Variants in LRRC4C observed in about 807,000 individuals in gnomAD.
LRRC4C encodes leucine-rich repeat-containing protein 4C.
LRRC4C carries 5 observed loss-of-function variants against 33.6 expected under a neutral mutation model. That is an observed-to-expected ratio of 0.15 (90% CI 0.08 to 0.31). The LOEUF (loss-of-function observed/expected upper bound fraction) is 0.31. Among genes scored for constraint, LRRC4C ranks in the 10% least tolerant of loss-of-function variants. LRRC4C has a pLI of 1.00. For synonymous variants in LRRC4C, 329 were observed against 302.0 expected (o/e 1.09, Z -0.93); for missense variants, 560 against 796.7 (o/e 0.70, Z 3.58).
chr11:40,235,263 G>A (rs1483254047), intron 5 of LRRC4C, among the ~76,000 whole-genome samples: 4 of 152,176 alleles, frequency 2.6e-5, no homozygotes, highest in Admixed American at 2.6e-4. Context: ...AAATATGCTT[G>A]TAAAACATTT....
chr11:41,118,266 T>A, intron 1 of LRRC4C, among the ~76,000 whole-genome samples: 1 of 152,178 alleles, frequency 6.6e-6, no homozygotes, highest in South Asian at 2.1e-4. Context: ...GATGTGGAGC[T>A]TGGCTTCCCT....
chr11:40,756,659 AC>A (rs1948963499), intron 2 of LRRC4C, among the ~76,000 whole-genome samples: 1 of 152,090 alleles, frequency 6.6e-6, no homozygotes, highest in Non-Finnish European at 1.5e-5. Context: ...CAAAAGTTAA[AC>A]TGGTCAATTA....
At chr11:41,363,456 C>T (rs1222002402) in intron 1 of LRRC4C, among the ~76,000 whole-genome samples, 1 of 152,162 alleles carries the variant, frequency 6.6e-6, no homozygotes, top group Non-Finnish European at 1.5e-5. Context: ...CAATTCCATC[C>T]TAAATTACTT....
chr11:40,772,053 C>G (rs78362237), intron 2 of LRRC4C, among the ~76,000 whole-genome samples: 16,405 of 152,058 alleles, frequency 0.11, 1,287 homozygotes, highest in East Asian at 0.41. Flanking sequence ...CTTCTTGTAC[C>G]GATTTACTGT....
chr11:40,258,117 C>G (rs868810747), intron 4 of LRRC4C, among the ~76,000 whole-genome samples: 9 of 152,090 alleles, frequency 5.9e-5, no homozygotes, highest in Non-Finnish European at 1.3e-4. Context: ...TTTATTTTCA[C>G]CACGTTTCAT....
At chr11:41,203,445 C>G (rs1413685681) in intron 1 of LRRC4C, among the ~76,000 whole-genome samples, 2 of 152,126 alleles carry the variant, frequency 1.3e-5, no homozygotes, top group African/African-American at 4.8e-5. Flanking sequence ...TAAGAGGAAG[C>G]AATTTTTTTC....
chr11:40,905,930 TA>T (rs1956394892), intron 2 of LRRC4C, among the ~76,000 whole-genome samples: 1 of 152,202 alleles, frequency 6.6e-6, no homozygotes, highest in African/African-American at 2.4e-5. Flanking sequence ...CTACTGTGGG[TA>T]AAATTCTATC....
rs777193852 is a variant in LRRC4C at position 40,457,021 on chromosome 11, A to ACTC, written c.-269-137303_-269-137301dup. Among the ~76,000 whole-genome samples, 124 of 151,626 alleles carry ACTC rather than the reference A, an allele frequency of 8.2e-4. 1 individual carries two copies. The highest frequency in any genetic ancestry group is 1.5e-3 in the Non-Finnish European group (103 of 67,846). On this transcript the variant is annotated intron_variant, in intron 3 of 6. Transcript: ENST00000528697. ...AAATGCAAAGTAATTTAGAACCTGAACTCCTAAATCTAGTTAAAATGAGGA... is the reference window on the plus strand; with the variant it reads ...AAATGCAAAGTAATTTAGAACCTGAACTCCTCCTAAATCTAGTTAAAATGAGGA...
At chr11:41,284,004 G>A (rs951251660) in intron 1 of LRRC4C, among the ~76,000 whole-genome samples, 1 of 152,024 alleles carries the variant, frequency 6.6e-6, no homozygotes, top group South Asian at 2.1e-4. Context: ...AAAGTTATAC[G>A]TATTTGATTT....
At chr11:40,638,753 T>G (rs1254142011) in intron 3 of LRRC4C, among the ~76,000 whole-genome samples, 1 of 148,464 alleles carries the variant, frequency 6.7e-6, no homozygotes, top group Admixed American at 6.9e-5. Context: ...TAATGAATGG[T>G]TTTTTCAATT....
At chr11:40,932,523 A>T (rs2136477481) in intron 2 of LRRC4C, among the ~76,000 whole-genome samples, 1 of 152,288 alleles carries the variant, frequency 6.6e-6, no homozygotes, top group Middle Eastern at 3.4e-3. Flanking sequence ...GTCTGCATGG[A>T]AGGAACCAGG....
chr11:40,589,644 C>T (rs1287376805), intron 3 of LRRC4C, among the ~76,000 whole-genome samples: 1 of 151,912 alleles, frequency 6.6e-6, no homozygotes, highest in African/African-American at 2.4e-5. Flanking sequence ...TTTAGTGCTT[C>T]CTTCAGGAGC....
intron 1 of LRRC4C, among the ~76,000 whole-genome samples, chr11:41,074,630 T>A (rs1440846110): frequency 1.3e-5 from 2 of 152,190 alleles, no homozygotes; most frequent in Admixed American, 6.5e-5. Context: ...GTACTTAGAG[T>A]AAATTGCTAC....
chr11:40,986,900 T>C (rs913717741), intron 1 of LRRC4C, among the ~76,000 whole-genome samples: 3 of 152,148 alleles, frequency 2.0e-5, no homozygotes, highest in African/African-American at 7.2e-5. Flanking sequence ...AGCTGCCAAT[T>C]TGTCAAAAAA....
At chr11:40,595,324 G>A (rs1197906210) in intron 3 of LRRC4C, among the ~76,000 whole-genome samples, 1 of 151,996 alleles carries the variant, frequency 6.6e-6, no homozygotes, top group East Asian at 1.9e-4. Context: ...GAAATAATAT[G>A]AAAATATTAT....
At chr11:41,250,052 C>G (rs1948589787) in intron 1 of LRRC4C, among the ~76,000 whole-genome samples, 1 of 151,896 alleles carries the variant, frequency 6.6e-6, no homozygotes, top group Non-Finnish European at 1.5e-5. Flanking sequence ...GCCTGTAATC[C>G]CAGCTACTTG....
chr11:41,078,555 G>A (rs1939325403), intron 1 of LRRC4C, among the ~76,000 whole-genome samples: 1 of 152,130 alleles, frequency 6.6e-6, no homozygotes, highest in Non-Finnish European at 1.5e-5. Context: ...GGCAGGGCAG[G>A]AGAGAGAGCG....
chr11:40,325,910 A>G (rs904125078), intron 3 of LRRC4C, among the ~76,000 whole-genome samples: 2 of 152,084 alleles, frequency 1.3e-5, no homozygotes, highest in African/African-American at 4.8e-5. Flanking sequence ...CCATTTAAGA[A>G]TCTAGTGAGG....
chr11:40,198,652 C>A (rs1196439505), intron 5 of LRRC4C, among the ~76,000 whole-genome samples: 1 of 152,180 alleles, frequency 6.6e-6, no homozygotes, highest in Non-Finnish European at 1.5e-5. Flanking sequence ...AGCATAGGCA[C>A]CCATCCGTGC....
Sources: allele counts gnomAD v4.1 joint callset (sites outside exome capture counted in the v4.1 genomes callset), GRCh38; gene constraint gnomAD v4.1.1; transcripts MANE v1.5; gene names NCBI Gene and HGNC (gene_info 2026-07-23, HGNC 2026-07-21).